MROH1: variants seen among roughly 807,000 people sequenced by gnomAD.
The protein encoded by MROH1 is maestro heat like repeat family member 1.
MROH1 carries 117 observed loss-of-function variants against 116.5 expected under a neutral mutation model. The observed-to-expected ratio is 1.00, with a 90% CI of 0.86 to 1.17. The LOEUF (loss-of-function observed/expected upper bound fraction) is 1.17. Ranked by LOEUF, MROH1 falls within the 50% of genes most tolerant of loss-of-function variation. The probability of loss-of-function intolerance (pLI) is 0.00; values close to 1 mark genes in which losing one functional copy is unlikely to be tolerated. For missense variants in MROH1, 1,873 were observed against 1,338.5 expected (o/e 1.40, Z -6.23); for synonymous variants, 921 against 583.9 (o/e 1.58, Z -8.32).
Position 144,220,572 on chromosome 8 carries a change from G to C in MROH1, c.1142-28G>C, listed in dbSNP as rs368027561. The stretch of plus-strand genomic sequence containing the variant: ...CTTGAGGTCCTCATCTCAGTGGTAG[G>C]CTGAGCTGTCCTGTTTGTTTCTTGC... On this transcript the variant is annotated intron_variant, in intron 12 of 43. Transcript: ENST00000326134. 77 of 1,555,198 alleles carry C rather than the reference G, an allele frequency of 5.0e-5. No individual in the cohort carries two copies. The East Asian group carries it at 9.6e-4, about 19-fold the overall frequency.
At chr8:144,254,078 G>A (rs1233905189) in intron 33 of MROH1, among the ~76,000 whole-genome samples, 2 of 152,158 alleles carry the variant, frequency 1.3e-5, no homozygotes, top group African/African-American at 2.4e-5. Context: ...TCAAATGTAC[G>A]TTAGCCCTCA....
chr8:144,181,629 T>C (rs996839473), intron 7 of MROH1, among the ~76,000 whole-genome samples: 3 of 152,160 alleles, frequency 2.0e-5, no homozygotes, highest in Non-Finnish European at 4.4e-5. Context: ...TAACTCCATG[T>C]GACCCAGTTT....
intron 32 of MROH1, among the ~76,000 whole-genome samples, chr8:144,249,703 C>G (rs995336985): frequency 2.9e-5 from 1 of 35,074 alleles, no homozygotes; most frequent in Admixed American, 1.8e-4. Context: ...AAACTCACAG[C>G]CCCCCCCAAG....
At chr8:144,178,281 G>A (rs1015907129) in intron 4 of MROH1, among the ~76,000 whole-genome samples, 26 of 152,084 alleles carry the variant, frequency 1.7e-4, no homozygotes, top group African/African-American at 4.3e-4. Context: ...ACAGGTGTGC[G>A]CCACCACACA....
At chr8:144,183,380 CAAA>C (rs556094390) in intron 7 of MROH1, among the ~76,000 whole-genome samples, 1 of 80,820 alleles carries the variant, frequency 1.2e-5, no homozygotes, top group Admixed American at 1.4e-4. Flanking sequence ...GACTCTGTCT[CAAA>C]AAAAAAAAAA....
chr8:144,154,353 A>T (rs1817551019), intron 1 of MROH1, among the ~76,000 whole-genome samples: 1 of 152,188 alleles, frequency 6.6e-6, no homozygotes, highest in Non-Finnish European at 1.5e-5. Context: ...AGGCAGCTCA[A>T]CTTGTTCTTA....
At chr8:144,177,533 C>T (rs907395815) in intron 4 of MROH1, among the ~76,000 whole-genome samples, 2 of 152,218 alleles carry the variant, frequency 1.3e-5, no homozygotes, top group African/African-American at 4.8e-5. Context: ...CTATGTGGGC[C>T]CACCTCCACC....
At chr8:144,240,028 C>T (rs1029902208) in intron 18 of MROH1, 73 bp from the exon 19 acceptor site, 8 of 735,292 alleles carry the variant, frequency 1.1e-5, no homozygotes, top group Non-Finnish European at 2.0e-5. Context: ...TCCCCAGCTC[C>T]AGGGCAGGTG....
Position 144,168,451 on chromosome 8 carries a change from T to G in MROH1, c.168+11T>G. On this transcript the variant is annotated intron_variant, in intron 4 of 43. Coordinates refer to ENST00000326134, the MANE Select transcript of MROH1 (RefSeq NM_032450.3). ...CGGCAGCATGACAAGGTATGTGTGCTCCTTGGTGGGGATGATGTTGTCAGG... is the reference window on the plus strand; with the variant it reads ...CGGCAGCATGACAAGGTATGTGTGCGCCTTGGTGGGGATGATGTTGTCAGG... The G allele has an allele frequency of 6.3e-7, 1 of 1,593,946 alleles. No homozygotes were observed. The highest frequency in any genetic ancestry group is 1.1e-5 in the South Asian group (1 of 88,794).
At chr8:144,247,490 G>A in intron 30 of MROH1, 54 bp downstream of exon 30, 2 of 763,412 alleles carry the variant, frequency 2.6e-6, no homozygotes, top group South Asian at 1.4e-5. Flanking sequence ...GTGCTTGGAG[G>A]GATGAGGTGC....
Position 144,239,118 on chromosome 8 carries a change from T to C in MROH1, c.1530T>C (p.His510=). ...CTCCGCTCTGCAGGAGCCTCGTGCA[T>C]CTGGCGCAGAAGAGGCAGGAGGCCG... The part of the protein sequence containing the change: ...ALTPLCRSLV[H]LAQKRQEAGA... Residue 510 remains histidine, a synonymous_variant, in exon 16 of 44, where the codon CAT becomes CAC. Transcript: ENST00000326134. 1.3e-6 allele frequency: 1 copy of C among 774,432 alleles called. No homozygotes were observed. The highest frequency in any genetic ancestry group is 1.3e-5 in the South Asian group (1 of 74,564). 48.0% of individuals were successfully genotyped at this position (774,432 alleles called of 1,614,324 possible). A position where few individuals can be genotyped will look rare whatever the true frequency, so the allele number is the denominator to read the frequency against.
chr8:144,237,949 T>C (rs1840327022), intron 14 of MROH1, among the ~76,000 whole-genome samples: 1 of 152,228 alleles, frequency 6.6e-6, no homozygotes, highest in Admixed American at 6.5e-5. Flanking sequence ...ATGATTCTTT[T>C]ATGATCTTTA....
intron 39 of MROH1, 58 bp downstream of exon 39, chr8:144,260,432 C>G (rs1213429637): frequency 2.1e-5 from 15 of 701,120 alleles, no homozygotes; most frequent in African/African-American, 1.8e-4. Context: ...GCCTCTTACT[C>G]TGAGCTTTAG....
chr8:144,254,867 G>A lies in MROH1; in HGVS notation c.3483G>A (p.Gln1161=). The A allele has an allele frequency of 1.3e-6, 1 of 778,056 alleles. No homozygotes were observed. The highest frequency in any genetic ancestry group is 2.4e-6 in the Non-Finnish European group (1 of 417,588). 48.2% of individuals were successfully genotyped at this position (778,056 alleles called of 1,614,324 possible). The change falls in exon 34 of 44, where the codon CAG becomes CAA. Residue 1161 remains glutamine (Q), a synonymous_variant. Coordinates refer to ENST00000326134, the MANE Select transcript of MROH1 (RefSeq NM_032450.3). ...CGGTGGAGCCTCGCCTAGCTGCCCAGGTCCTGGGGCTGCTGCTGGAGAAGA... is the reference window on the plus strand; with the variant it reads ...CGGTGGAGCCTCGCCTAGCTGCCCAAGTCCTGGGGCTGCTGCTGGAGAAGA... ...ALAVEPRLAA[Q]VLGLLLEKMS...
At position 144,234,498 on chromosome 8, in the gene MROH1, G is replaced by GTTTTTTTTTTTTTTTTTTTTTTTTTTTTT. The variant is rs1165164431; in HGVS notation, c.1339-4250_1339-4222dup. Among the ~76,000 whole-genome samples, 16 of 18,102 alleles carry GTTTTTTTTTTTTTTTTTTTTTTTTTTTTT rather than the reference G, an allele frequency of 8.8e-4. 7 individuals are homozygous for GTTTTTTTTTTTTTTTTTTTTTTTTTTTTT. Among genetic ancestry groups the GTTTTTTTTTTTTTTTTTTTTTTTTTTTTT allele is most frequent in the Non-Finnish European group, 9.9e-4 (8 of 8,120 alleles). The allele number at this position is 18,102 out of a possible 152,430, so 11.9% of individuals were successfully genotyped here. A position where few individuals can be genotyped will look rare whatever the true frequency, so the allele number is the denominator to read the frequency against. ...AATGGAATTATTTTCTTTCTTTTTC[G>GTTTTTTTTTTTTTTTTTTTTTTTTTTTTT]TTTTTTTTTTTTTTTTTTTTTTTTT... On this transcript the variant is annotated intron_variant, in intron 14 of 43. Coordinates refer to ENST00000326134, the MANE Select transcript of MROH1 (RefSeq NM_032450.3).
In MROH1 at chr8:144,182,195, C is replaced by A. The variant is rs1011223457; in HGVS notation, c.562+1672C>A. 6.6e-6 allele frequency among the ~76,000 whole-genome samples: 1 copy of A among 152,152 alleles called. No homozygotes were observed. Among genetic ancestry groups the A allele is most frequent in the African/African-American group, 2.4e-5 (1 of 41,438 alleles). ...GGCGGTGGCAGGCCTGCGTCCACTG[C>A]GGGAGGGTGCAGGTCCAGCCAGGAC... is the stretch of plus-strand genomic sequence containing the variant. On this transcript the variant is annotated intron_variant, in intron 7 of 43. Transcript: ENST00000326134. This position sits in a 1 kb window ranked among gnomAD's most constrained non-coding sequence, Gnocchi z 4.1.
At chr8:144,196,122 C>T (rs1456124918) in intron 10 of MROH1, among the ~76,000 whole-genome samples, 1 of 151,736 alleles carries the variant, frequency 6.6e-6, no homozygotes. Context: ...AACCCTGTCT[C>T]TACTGAAAAT....
chr8:144,155,192 G>A (rs905456621), intron 1 of MROH1, among the ~76,000 whole-genome samples: 6 of 151,950 alleles, frequency 3.9e-5, no homozygotes, highest in African/African-American at 1.5e-4. Flanking sequence ...CTCAGTTAAT[G>A]CGCCTGCTTC....
intron 13 of MROH1, 87 bp from the exon 14 acceptor site, chr8:144,223,021 A>T: frequency 9.6e-6 from 15 of 1,565,108 alleles, no homozygotes; most frequent in Non-Finnish European, 1.3e-5. Flanking sequence ...TGTGGGTGGG[A>T]GGAAGACTGA....
Sources: gnomAD v4.1 joint callset for allele counts (sites outside exome capture counted in the v4.1 genomes callset) on GRCh38, gnomAD v4.1.1 for gene constraint, Gnocchi (gnomAD v3.1) non-coding constraint, MANE v1.5 for transcripts, NCBI Gene and HGNC (gene_info 2026-07-23, HGNC 2026-07-21) for gene names.